Variants in RNF19A observed in about 807,000 individuals in gnomAD.
The protein encoded by RNF19A is ring finger protein 19A, RBR E3 ubiquitin protein ligase.
In RNF19A, 32 loss-of-function variants were observed where a neutral mutation model predicts 75.7. That is an observed-to-expected ratio of 0.42 (90% CI 0.32 to 0.57). The LOEUF is 0.57. Ranked by LOEUF, RNF19A falls within the 20% of genes least tolerant of loss-of-function variation. RNF19A has a pLI of 0.10. For missense variants in RNF19A, 782 were observed against 1,036.3 expected, an observed-to-expected ratio of 0.75 and a Z score of 3.37; for synonymous variants, 335 against 345.2, an observed-to-expected ratio of 0.97 and a Z score of 0.33.
chr8:100,304,181 C>A (rs537778168), intron 1 of RNF19A, among the ~76,000 whole-genome samples: 18 of 152,088 alleles, frequency 1.2e-4, no homozygotes, highest in African/African-American at 4.3e-4. Context: ...AGGCTGGTCT[C>A]GAACTCCTAA....
upstream of RNF19A, among the ~76,000 whole-genome samples, chr8:100,312,006 A>T (rs1252015532): frequency 1.3e-5 from 2 of 152,196 alleles, no homozygotes; most frequent in African/African-American, 4.8e-5. Context: ...GGCACCTCAG[A>T]TTCAGGCTGT....
chr8:100,318,622 C>G (rs1822418177), intron 1 of RNF19A, among the ~76,000 whole-genome samples: 1 of 152,182 alleles, frequency 6.6e-6, no homozygotes, highest in Non-Finnish European at 1.5e-5. Context: ...CTTCAGCATT[C>G]CTCAACTACA....
In RNF19A at chr8:100,264,333, C is replaced by A; in HGVS notation, c.1307-138G>T. 1 of 741,474 alleles carries A rather than the reference C, an allele frequency of 1.3e-6. No homozygotes were observed. The highest frequency in any genetic ancestry group is 2.1e-6 in the Non-Finnish European group (1 of 473,234). The allele number at this position is 741,474 out of a possible 1,614,324, so 45.9% of individuals were successfully genotyped here. A position where few individuals can be genotyped will look rare whatever the true frequency, so the allele number is the denominator to read the frequency against. Reference sequence around the variant, plus strand: ...CTGAAGAGTTGGCTGGAACATTTGCCAAAAGTAGATTTACCCAGTTGTTAA... The same window carrying A: ...CTGAAGAGTTGGCTGGAACATTTGCAAAAAGTAGATTTACCCAGTTGTTAA... On this transcript the variant is annotated intron_variant, in intron 6 of 9. Transcript: ENST00000341084. This position sits in a 1 kb window ranked among gnomAD's most constrained non-coding sequence, Gnocchi z 4.7.
chr8:100,258,278 A>G lies in RNF19A; in HGVS notation c.*278T>C, dbSNP rs906036871. Reference sequence around the variant, plus strand: ...AATTAAGACCAATTTCTATCTAAGTATGTGCTTCAAGCAATGTTTTGTGGC... The same window carrying G: ...AATTAAGACCAATTTCTATCTAAGTGTGTGCTTCAAGCAATGTTTTGTGGC... On this transcript the variant is annotated 3_prime_UTR_variant, in exon 10 of 10. Transcript: ENST00000341084. The surrounding 1 kb of genome is among the most constrained non-coding windows in gnomAD (Gnocchi z 4.3). 4.7e-6 allele frequency: 2 copies of G among 429,636 alleles called. No individual in the cohort carries two copies. The highest frequency in any genetic ancestry group is 8.2e-6 in the Non-Finnish European group (2 of 244,798). The allele number at this position is 429,636 out of a possible 1,614,324, so 26.6% of individuals were successfully genotyped here.
upstream of RNF19A, among the ~76,000 whole-genome samples, chr8:100,311,451 G>A (rs1047436668): frequency 2.6e-5 from 4 of 152,110 alleles, no homozygotes; most frequent in African/African-American, 9.7e-5. Flanking sequence ...GGAATTGGTG[G>A]CTCACGCCTG....
intron 1 of RNF19A, chr8:100,309,480 T>C (rs1178123350): frequency 1.0e-6 from 1 of 985,284 alleles, no homozygotes; most frequent in Non-Finnish European, 1.2e-6. Context: ...CTCCCCCGCT[T>C]TAGGGGCAGG....
At chr8:100,276,658 G>A (rs1380077276) in intron 2 of RNF19A, among the ~76,000 whole-genome samples, 2 of 150,596 alleles carry the variant, frequency 1.3e-5, no homozygotes, top group Non-Finnish European at 2.9e-5. Flanking sequence ...GGGTGGCTGA[G>A]GCAGAACTGC....
At chr8:100,283,804 G>A (rs185621630) in intron 2 of RNF19A, among the ~76,000 whole-genome samples, 37 of 152,272 alleles carry the variant, frequency 2.4e-4, no homozygotes, top group Middle Eastern at 6.8e-3. Flanking sequence ...TTTCAAGTGT[G>A]TTATATAATA....
Position 100,287,894 on chromosome 8 carries a change from A to G in RNF19A, c.281T>C (p.Ile94Thr). 6.2e-7 allele frequency: 1 copy of G among 1,614,198 alleles called. No homozygotes were observed. The highest frequency in any genetic ancestry group is 8.5e-7 in the Non-Finnish European group (1 of 1,180,032). The change falls in exon 2 of 10, where the codon ATT becomes ACT. Residue 94 changes from isoleucine (I) to threonine (T), a missense_variant. Ile to Thr is a moderately conservative substitution (Grantham distance 89). Coordinates refer to ENST00000341084, the MANE Select transcript of RNF19A (RefSeq NM_183419.4). This position sits in a 1 kb window ranked among gnomAD's most constrained non-coding sequence, Gnocchi z 4.1. ...ACACATTTCAGAATGTATACTTTCAATACTTGCAATTCCATCCACCCCGCC... is the reference window on the plus strand; with the variant it reads ...ACACATTTCAGAATGTATACTTTCAGTACTTGCAATTCCATCCACCCCGCC... ...LNGGVDGIASIESIHSEMCTD... is the reference protein window; with the variant it reads ...LNGGVDGIASTESIHSEMCTD...
intron 1 of RNF19A, among the ~76,000 whole-genome samples, chr8:100,299,329 T>C (rs1042290024): frequency 6.6e-6 from 1 of 152,220 alleles, no homozygotes; most frequent in African/African-American, 2.4e-5. Context: ...AAACAAATAA[T>C]TGTTGTTTCT....
At chr8:100,311,350 T>G (rs546065704), upstream of RNF19A, among the ~76,000 whole-genome samples, 31 of 152,302 alleles carry the variant, frequency 2.0e-4, no homozygotes, top group South Asian at 4.8e-3. Flanking sequence ...ACTTTACATA[T>G]GGGATGCTTT....
chr8:100,290,882 C>G (rs1821262070), intron 1 of RNF19A, among the ~76,000 whole-genome samples: 1 of 152,092 alleles, frequency 6.6e-6, no homozygotes, highest in Non-Finnish European at 1.5e-5. Flanking sequence ...TATCTGTGTA[C>G]CTAAACACAG....
chr8:100,259,127 GA>G lies in RNF19A; in HGVS notation c.1945del (p.Ser649HisfsTer30). 1 of 1,614,162 alleles carries G rather than the reference GA, an allele frequency of 6.2e-7. No homozygotes were observed. Among genetic ancestry groups the G allele is most frequent in the Non-Finnish European group, 8.5e-7 (1 of 1,180,030 alleles). On this transcript the variant is annotated frameshift_variant, in exon 10 of 10. Transcript: ENST00000341084. LOFTEE classifies it high-confidence loss of function. The surrounding 1 kb of genome is among the most constrained non-coding windows in gnomAD (Gnocchi z 4.5). ...GSATRSHAGG[S>X]SSGLPEGKSS... ...TTTACCTTCAGGCAAGCCACTGGAT[GA>G]ACCGCCAGCATGACTTCGGGTGGCA...
rs1229263883 is a variant in RNF19A at position 100,325,718 on chromosome 8, T to C, written c.-243+10390A>G. 6.6e-6 allele frequency among the ~76,000 whole-genome samples: 1 copy of C among 152,134 alleles called. No homozygotes were observed. Among genetic ancestry groups the C allele is most frequent in the African/African-American group, 2.4e-5 (1 of 41,424 alleles). Reference sequence around the variant, plus strand: ...ATCAACCTCAATATTGCAGAAAATATCTGTGGATGTTTATGGATGGTATAT... The same window carrying C: ...ATCAACCTCAATATTGCAGAAAATACCTGTGGATGTTTATGGATGGTATAT... On this transcript the variant is annotated intron_variant, in intron 1 of 3. Coordinates refer to the RNF19A transcript ENST00000519527. The surrounding 1 kb of genome is among the most constrained non-coding windows in gnomAD (Gnocchi z 4.3).
rs933133157 is a variant in RNF19A at position 100,258,438 on chromosome 8, G to C, written c.*118C>G. 1 of 763,092 alleles carries C rather than the reference G, an allele frequency of 1.3e-6. No individual in the cohort carries two copies. The highest frequency in any genetic ancestry group is 2.1e-6 in the Non-Finnish European group (1 of 465,834). 47.3% of individuals were successfully genotyped at this position (763,092 alleles called of 1,614,324 possible). On this transcript the variant is annotated 3_prime_UTR_variant, in exon 10 of 10. Coordinates refer to ENST00000341084, the MANE Select transcript of RNF19A (RefSeq NM_183419.4). The surrounding 1 kb of genome is among the most constrained non-coding windows in gnomAD (Gnocchi z 4.3). ...CTTGCTGAACACAGAAAATGTATCT[G>C]CATTATGATAATGAAACCCGGCTTT...
At chr8:100,279,043 AGAT>A (rs1426350571) in intron 2 of RNF19A, among the ~76,000 whole-genome samples, 1 of 152,224 alleles carries the variant, frequency 6.6e-6, no homozygotes, top group Non-Finnish European at 1.5e-5. Context: ...AATTGCTTTC[AGAT>A]GATAATTCCT....
At chr8:100,268,542 C>A in intron 5 of RNF19A, 2 of 312,694 alleles carry the variant, frequency 6.4e-6, no homozygotes, top group East Asian at 1.0e-4. Flanking sequence ...TTTTATAATA[C>A]AAACATACTA....
chr8:100,280,308 A>G (rs946284326), intron 2 of RNF19A, among the ~76,000 whole-genome samples: 2 of 152,230 alleles, frequency 1.3e-5, no homozygotes, highest in African/African-American at 4.8e-5. Context: ...AGCAAATAAT[A>G]AAAAGACTTG....
intron 1 of RNF19A, among the ~76,000 whole-genome samples, chr8:100,316,585 G>A (rs1007205173): frequency 3.9e-5 from 6 of 152,152 alleles, no homozygotes; most frequent in African/African-American, 7.2e-5. Context: ...GATACAGAGC[G>A]TCGATTGGTG....
Sources: allele counts gnomAD v4.1 joint callset (sites outside exome capture counted in the v4.1 genomes callset), GRCh38; gene constraint gnomAD v4.1.1; non-coding constraint Gnocchi (gnomAD v3.1); transcripts MANE v1.5; gene names NCBI Gene and HGNC (gene_info 2026-07-23, HGNC 2026-07-21).